The following RBFOX1 variants were observed in gnomAD, a reference collection of about 807,000 sequenced individuals.
RBFOX1 encodes the protein RNA binding fox-1 homolog 1, also known as RNA binding protein fox-1 homolog 1.
A neutral mutation model predicts 57.7 loss-of-function variants in RBFOX1; 8 were observed. The observed-to-expected ratio is 0.14, with a 90% CI of 0.08 to 0.25. The LOEUF (loss-of-function observed/expected upper bound fraction) is 0.25, where lower values mean the gene tolerates loss of function less well. RBFOX1 is among the 10% of genes least tolerant of loss of function. The pLI is 1.00. For synonymous variants in RBFOX1, 326 were observed against 222.4 expected (o/e 1.47, Z -4.15); for missense variants, 611 against 548.5 (o/e 1.11, Z -1.14).
At chr16:5,462,882 C>T (rs1391820279) in intron 1 of RBFOX1, among the ~76,000 whole-genome samples, 1 of 152,014 alleles carries the variant, frequency 6.6e-6, no homozygotes, top group African/African-American at 2.4e-5. Flanking sequence ...ACGAGCCCCA[C>T]GACAAAGAAT....
At chr16:7,325,974 C>A in intron 4 of RBFOX1, among the ~76,000 whole-genome samples, 1 of 152,108 alleles carries the variant, frequency 6.6e-6, no homozygotes, top group East Asian at 1.9e-4. Flanking sequence ...CAAGCTGATA[C>A]CCTAGTGTCA....
At chr16:7,206,343 G>A (rs1452305674) in intron 4 of RBFOX1, among the ~76,000 whole-genome samples, 62 of 152,070 alleles carry the variant, frequency 4.1e-4, no homozygotes, top group East Asian at 5.8e-4. Context: ...ACTTTGCCTT[G>A]CCAAGTAAGC....
intron 4 of RBFOX1, among the ~76,000 whole-genome samples, chr16:7,208,545 C>T (rs548792159): frequency 6.6e-6 from 1 of 152,088 alleles, no homozygotes; most frequent in Non-Finnish European, 1.5e-5. Context: ...TTTTTCACAA[C>T]CTGTTCTCTG....
chr16:5,896,180 C>T (rs1400693415), intron 4 of RBFOX1, among the ~76,000 whole-genome samples: 1 of 152,086 alleles, frequency 6.6e-6, no homozygotes, highest in Non-Finnish European at 1.5e-5. Flanking sequence ...ATGAATGGTC[C>T]CCACAGCTGG....
intron 3 of RBFOX1, among the ~76,000 whole-genome samples, chr16:7,028,605 CACACAAAA>C (rs1341512196): frequency 2.7e-5 from 1 of 37,422 alleles, no homozygotes; most frequent in African/African-American, 1.2e-4. Context: ...CACACACACA[CACACAAAA>C]AAAAAAAAAA....
chr16:5,567,770 G>A (rs1345211430), intron 2 of RBFOX1, among the ~76,000 whole-genome samples: 3 of 151,430 alleles, frequency 2.0e-5, no homozygotes, highest in South Asian at 2.1e-4. Context: ...TGTCGTCACC[G>A]TCACCTATAC....
chr16:6,193,392 C>CTATATA (rs55707901), intron 1 of RBFOX1, among the ~76,000 whole-genome samples: 2,045 of 43,090 alleles, frequency 0.047, 117 homozygotes, highest in East Asian at 0.086. Context: ...TATATATATA[C>CTATATA]TATATATATA....
At position 7,664,920 on chromosome 16, in the gene RBFOX1, C is replaced by T; in HGVS notation, c.891-9C>T. ...ATGGATGTTTCTCTTTGTGTGTGCA[C>T]CCTTGCAGTGTTGTTTACCAGGATG... On this transcript the variant is annotated splice_polypyrimidine_tract_variant and intron_variant, in intron 12 of 15. Transcript: ENST00000550418. 1 of 1,613,902 alleles carries T rather than the reference C, an allele frequency of 6.2e-7. No individual in the cohort carries two copies. Among genetic ancestry groups the T allele is most frequent in the Non-Finnish European group, 8.5e-7 (1 of 1,179,834 alleles).
At chr16:5,856,929 T>A (rs1372555846) in intron 3 of RBFOX1, among the ~76,000 whole-genome samples, 1 of 152,172 alleles carries the variant, frequency 6.6e-6, no homozygotes, top group African/African-American at 2.4e-5. Context: ...AGTAGCAATT[T>A]AAATTTCTTT....
intron 1 of RBFOX1, among the ~76,000 whole-genome samples, chr16:6,189,093 A>T (rs1017786242): frequency 1.3e-5 from 2 of 152,198 alleles, no homozygotes; most frequent in African/African-American, 2.4e-5. Flanking sequence ...TCTGAAAATT[A>T]CCTGTGCCAT....
intron 3 of RBFOX1, among the ~76,000 whole-genome samples, chr16:6,722,621 T>A (rs749339563): frequency 6.6e-6 from 1 of 152,228 alleles, no homozygotes; most frequent in Non-Finnish European, 1.5e-5. Flanking sequence ...TAAGTTTCTG[T>A]CTTGTGTACT....
At chr16:6,734,077 C>T (rs1342713864) in intron 3 of RBFOX1, among the ~76,000 whole-genome samples, 1 of 152,158 alleles carries the variant, frequency 6.6e-6, no homozygotes, top group East Asian at 1.9e-4. Context: ...TACCCCACTG[C>T]CTGGGTATGA....
At chr16:7,686,516 C>A (rs550038829) in intron 14 of RBFOX1, among the ~76,000 whole-genome samples, 1 of 152,160 alleles carries the variant, frequency 6.6e-6, no homozygotes, top group African/African-American at 2.4e-5. Flanking sequence ...AACCAATTGC[C>A]TGCCCTCTTC....
chr16:6,085,649 T>TG (rs1214058926), intron 1 of RBFOX1, among the ~76,000 whole-genome samples: 9 of 143,592 alleles, frequency 6.3e-5, no homozygotes, highest in African/African-American at 1.5e-4. Context: ...GCAGTGTGTG[T>TG]TTGTGTGTGT....
chr16:7,332,283 T>G (rs1037633011), intron 4 of RBFOX1, among the ~76,000 whole-genome samples: 10 of 152,212 alleles, frequency 6.6e-5, no homozygotes, highest in Admixed American at 6.5e-4. Context: ...AGAGACTTGT[T>G]GTGAGAATGA....
At chr16:7,222,960 C>G (rs555154640) in intron 4 of RBFOX1, among the ~76,000 whole-genome samples, 2 of 152,168 alleles carry the variant, frequency 1.3e-5, no homozygotes, top group African/African-American at 4.8e-5. Context: ...TTGAGCGTCC[C>G]TTGTTGTGCA....
intron 1 of RBFOX1, among the ~76,000 whole-genome samples, chr16:6,060,770 G>T (rs1421392897): frequency 1.3e-5 from 2 of 152,208 alleles, no homozygotes; most frequent in Non-Finnish European, 2.9e-5. Context: ...AGAGGAGGAA[G>T]TTCACACAGT....
intron 1 of RBFOX1, among the ~76,000 whole-genome samples, chr16:6,148,603 C>T (rs887843437): frequency 6.6e-6 from 1 of 152,088 alleles, no homozygotes; most frequent in African/African-American, 2.4e-5. Flanking sequence ...GATGAATCCC[C>T]TTTGACTAAG....
At chr16:6,373,644 G>T (rs1180484478) in intron 2 of RBFOX1, among the ~76,000 whole-genome samples, 3 of 152,128 alleles carry the variant, frequency 2.0e-5, no homozygotes, top group Admixed American at 6.5e-5. Context: ...TGATTGGGTG[G>T]AATGGAGATT....
Sources: allele counts gnomAD v4.1 joint callset (sites outside exome capture counted in the v4.1 genomes callset), GRCh38; gene constraint gnomAD v4.1.1; transcripts MANE v1.5; gene names NCBI Gene and HGNC (gene_info 2026-07-23, HGNC 2026-07-21).